The following RAB27B variants were observed in gnomAD, a reference collection of about 807,000 sequenced individuals.
RAB27B encodes the protein ras-related protein Rab-27B.
In RAB27B, 15 loss-of-function variants were observed where a neutral mutation model predicts 24.6. The observed-to-expected ratio is 0.61, with a 90% CI of 0.41 to 0.94. The LOEUF (loss-of-function observed/expected upper bound fraction) is 0.94. Among genes scored for constraint, RAB27B ranks in the 40% least tolerant of loss-of-function variants. RAB27B has a pLI of 0.00. For synonymous variants in RAB27B, 105 were observed against 92.5 expected (o/e 1.14, Z -0.78); for missense variants, 261 against 266.8 (o/e 0.98, Z 0.15).
intron 2 of RAB27B, among the ~76,000 whole-genome samples, chr18:54,815,027 T>A (rs1333120192): frequency 6.6e-6 from 1 of 152,184 alleles, no homozygotes; most frequent in African/African-American, 2.4e-5. Context: ...TTTTTTTCCC[T>A]AATTGCCACC....
chr18:54,853,844 T>A (rs1568098391), intron 1 of RAB27B, among the ~76,000 whole-genome samples: 1 of 152,190 alleles, frequency 6.6e-6, no homozygotes, highest in Non-Finnish European at 1.5e-5. Flanking sequence ...CATCTAATGT[T>A]TTTTCACCTC....
At chr18:54,816,128 C>A (rs1179788495) in intron 2 of RAB27B, among the ~76,000 whole-genome samples, 1 of 152,168 alleles carries the variant, frequency 6.6e-6, no homozygotes, top group African/African-American at 2.4e-5. Context: ...AGTAGCAAGT[C>A]TTTCTGGAGT....
intron 2 of RAB27B, among the ~76,000 whole-genome samples, chr18:54,760,066 A>G (rs1288072994): frequency 1.3e-5 from 2 of 151,750 alleles, no homozygotes; most frequent in Non-Finnish European, 2.9e-5. Context: ...AAGCTAAAAG[A>G]GCACACTGTA....
chr18:54,775,796 A>G (rs1908695575), intron 2 of RAB27B, among the ~76,000 whole-genome samples: 1 of 152,166 alleles, frequency 6.6e-6, no homozygotes, highest in South Asian at 2.1e-4. Flanking sequence ...GCCAATTTCT[A>G]ATATTCCCCA....
intron 2 of RAB27B, among the ~76,000 whole-genome samples, chr18:54,811,178 G>GGAGTT (rs1909953407): frequency 6.6e-6 from 1 of 152,002 alleles, no homozygotes; most frequent in South Asian, 2.1e-4. Flanking sequence ...GGGGGAAGAG[G>GGAGTT]CACACTACAT....
intron 2 of RAB27B, among the ~76,000 whole-genome samples, chr18:54,718,470 A>G (rs1310617717): frequency 1.3e-5 from 2 of 152,202 alleles, no homozygotes; most frequent in Non-Finnish European, 2.9e-5. Context: ...TGTCCTTTCT[A>G]ATCATTGCCA....
intron 2 of RAB27B, among the ~76,000 whole-genome samples, chr18:54,742,682 G>C (rs1910104473): frequency 6.6e-6 from 1 of 152,156 alleles, no homozygotes; most frequent in Non-Finnish European, 1.5e-5. Context: ...CTGGCTTCCA[G>C]ATTTTCTATG....
chr18:54,801,466 C>A (rs1032135985), intron 2 of RAB27B, among the ~76,000 whole-genome samples: 1 of 152,154 alleles, frequency 6.6e-6, no homozygotes, highest in Non-Finnish European at 1.5e-5. Flanking sequence ...TCTGTCATCA[C>A]TGTATCCCAG....
intron 2 of RAB27B, among the ~76,000 whole-genome samples, chr18:54,744,238 C>T (rs1403565579): frequency 1.3e-5 from 2 of 152,242 alleles, no homozygotes; most frequent in East Asian, 3.9e-4. Flanking sequence ...ATTTCTTCTA[C>T]CTTTCCTGTC....
intron 2 of RAB27B, among the ~76,000 whole-genome samples, chr18:54,768,154 A>G (rs1345114252): frequency 6.6e-6 from 1 of 152,106 alleles, no homozygotes. Context: ...GGATGAGTGG[A>G]AATTTATTAG....
intron 1 of RAB27B, among the ~76,000 whole-genome samples, chr18:54,857,262 TCACACCTTTTA>T (rs1911822014): frequency 6.6e-6 from 1 of 152,182 alleles, no homozygotes; most frequent in Non-Finnish European, 1.5e-5. Flanking sequence ...ACCTACCCAC[TCACACCTTTTA>T]CAAAAAACTC....
At chr18:54,853,404 C>T in intron 1 of RAB27B, among the ~76,000 whole-genome samples, 1 of 152,180 alleles carries the variant, frequency 6.6e-6, no homozygotes, top group South Asian at 2.1e-4. Context: ...TGATGCCTGG[C>T]AGTCTATGGC....
At chr18:54,727,316 A>T (rs753542218) in intron 2 of RAB27B, among the ~76,000 whole-genome samples, 26 of 152,276 alleles carry the variant, frequency 1.7e-4, no homozygotes, top group Admixed American at 3.9e-4. Flanking sequence ...AATGTGTTAA[A>T]TACAAATTGA....
intron 3 of RAB27B, chr18:54,880,075 C>G (rs1429425085): frequency 6.7e-6 from 1 of 148,394 alleles, no homozygotes; most frequent in East Asian, 2.0e-4. Context: ...TTATTTCACC[C>G]TTAAGGTCTA....
upstream of RAB27B, among the ~76,000 whole-genome samples, chr18:54,825,939 C>T (rs576332676): frequency 3.3e-5 from 5 of 152,314 alleles, no homozygotes; most frequent in South Asian, 1.0e-3. Context: ...TTGCTTTTTA[C>T]CATAATCTCT....
intron 2 of RAB27B, among the ~76,000 whole-genome samples, chr18:54,760,429 A>T (rs1908148782): frequency 6.6e-6 from 1 of 152,184 alleles, no homozygotes; most frequent in African/African-American, 2.4e-5. Flanking sequence ...TTGAAATTTT[A>T]TTCTGAGTGA....
Position 54,780,203 on chromosome 18 carries a change from C to A in RAB27B, c.-20+62062C>A. ...CGTGTCTCCCCTCTCCTGACTGCTT[C>A]CCCCTCACCGTGTCTCCCCTCTCCA... On this transcript the variant is annotated intron_variant, in intron 2 of 4. Coordinates refer to the RAB27B transcript ENST00000586570. Among the ~76,000 whole-genome samples, 2 of 144,892 alleles carry A rather than the reference C, an allele frequency of 1.4e-5. 1 individual carries two copies. Among genetic ancestry groups the A allele is most frequent in the South Asian group, 4.5e-4 (2 of 4,442 alleles).
At chr18:54,882,690 G>C (rs1978356) in intron 3 of RAB27B, among the ~76,000 whole-genome samples, 40,465 of 152,136 alleles carry the variant, frequency 0.27, 5,863 homozygotes, top group East Asian at 0.36. Context: ...GAAAGCCCAG[G>C]GGAGCAGAGT....
At chr18:54,834,256 A>G (rs898818563) in intron 1 of RAB27B, among the ~76,000 whole-genome samples, 3 of 152,242 alleles carry the variant, frequency 2.0e-5, no homozygotes, top group Admixed American at 6.5e-5. Context: ...ATTCAAGGAT[A>G]CCAAGACCCA....
Sources: gnomAD v4.1 joint callset for allele counts (sites outside exome capture counted in the v4.1 genomes callset) on GRCh38, gnomAD v4.1.1 for gene constraint, MANE v1.5 for transcripts, NCBI Gene and HGNC (gene_info 2026-07-23, HGNC 2026-07-21) for gene names.